Variants in VSIG10L2 observed in about 807,000 individuals in gnomAD.
VSIG10L2 encodes V-set and immunoglobulin domain-containing protein 10-like 2.
VSIG10L2 carries 56 observed loss-of-function variants against 67.1 expected under a neutral mutation model. That is an observed-to-expected ratio of 0.83 (90% confidence interval 0.67 to 1.04). The LOEUF is 1.04. VSIG10L2 is among the 50% of genes least tolerant of loss of function. VSIG10L2 has a pLI of 0.00. For synonymous variants in VSIG10L2, 360 were observed against 396.6 expected (o/e 0.91, Z 1.10); for missense variants, 843 against 932.8 (o/e 0.90, Z 1.25).
chr11:125,954,507 C>A, intron 8 of VSIG10L2, 124 bp downstream of exon 8: 1 of 801,956 alleles, frequency 1.2e-6, no homozygotes, highest in Non-Finnish European at 1.7e-6. Context: ...ATTCTCCCAT[C>A]CCCAGCCCGT....
Position 125,953,662 on chromosome 11 carries a change from C to T in VSIG10L2, c.1758C>T (p.Ser586=). The T allele has an allele frequency of 8.1e-7, 1 of 1,232,296 alleles. No homozygotes were observed. The highest frequency in any genetic ancestry group is 1.0e-6 in the Non-Finnish European group (1 of 988,030). The allele number at this position is 1,232,296 out of a possible 1,614,324, so 76.3% of individuals were successfully genotyped here. The change falls in exon 7 of 12, where the codon AGC becomes AGT. Residue 586 remains serine (S), a synonymous_variant. Coordinates refer to ENST00000686984, the MANE Select transcript of VSIG10L2 (RefSeq NM_001365077.2). ...TGGCCCGCAACGCCGTGGGCAATAG[C>T]AGTCAGAGTGTGCTGCTGGAGGTCC... The part of the protein sequence containing the change: ...QCVARNAVGN[S]SQSVLLEVLR...
At chr11:125,954,448 C>T (rs1487759686) in intron 8 of VSIG10L2, 65 bp downstream of exon 8, 1 of 1,202,690 alleles carries the variant, frequency 8.3e-7, no homozygotes, top group Non-Finnish European at 1.0e-6. Context: ...GTTCATCTTC[C>T]TCTTCACAGG....
In VSIG10L2 at chr11:125,953,833, A is replaced by G. The variant is rs142915003; in HGVS notation, c.1786+143A>G. Reference sequence around the variant, plus strand: ...GCTTCCTTGGGCATAGGCAGGACTCAAGAGATAGATGGGCAACATGCGCGT... The same window carrying G: ...GCTTCCTTGGGCATAGGCAGGACTCGAGAGATAGATGGGCAACATGCGCGT... On this transcript the variant is annotated intron_variant, in intron 7 of 11. Coordinates refer to ENST00000686984, the MANE Select transcript of VSIG10L2 (RefSeq NM_001365077.2). 7.7e-4 allele frequency: 637 copies of G among 822,508 alleles called. 3 individuals carry two copies. In the African/African-American group the frequency reaches 0.011, roughly 14 times the overall value. The allele number at this position is 822,508 out of a possible 1,614,324, so 51.0% of individuals were successfully genotyped here.
intron 4 of VSIG10L2, among the ~76,000 whole-genome samples, 177 bp downstream of exon 4, chr11:125,950,466 G>A (rs1382699160): frequency 2.0e-5 from 3 of 151,826 alleles, no homozygotes; most frequent in Non-Finnish European, 4.4e-5. Flanking sequence ...AAGAGGAGAA[G>A]AAAACTGTGG....
rs1945309256 is a variant in VSIG10L2, at chr11:125,946,987, T to A, written c.83-699T>A. On this transcript the variant is annotated intron_variant, in intron 1 of 11. Transcript: ENST00000686984. The surrounding 1 kb of genome is among the most constrained non-coding windows in gnomAD (Gnocchi z 4.4). Reference sequence around the variant, plus strand: ...CTGGGCCCTGAGCCGAGAACACCTGTTAAGTGACTTACTCCACAGGAACTA... The same window carrying A: ...CTGGGCCCTGAGCCGAGAACACCTGATAAGTGACTTACTCCACAGGAACTA... Among the ~76,000 whole-genome samples the A allele has an allele frequency of 6.6e-6, 1 of 152,102 alleles. No individual in the cohort carries two copies. The highest frequency in any genetic ancestry group is 1.5e-5 in the Non-Finnish European group (1 of 68,012).
chr11:125,947,705 C>G lies in VSIG10L2; in HGVS notation c.102C>G (p.Pro34=). ...LRASGQPHPT[P]EAPVEEVVSV... Reference sequence around the variant, plus strand: ...CCCCAGGCCAGCCCCACCCGACCCCCGAGGCCCCTGTAGAGGAGGTGGTGT... The same window carrying G: ...CCCCAGGCCAGCCCCACCCGACCCCGGAGGCCCCTGTAGAGGAGGTGGTGT... The change falls in exon 2 of 12, where the codon CCC becomes CCG. Residue 34 remains proline, a synonymous_variant. Transcript: ENST00000686984. 2 of 1,232,412 alleles carry G rather than the reference C, an allele frequency of 1.6e-6. No individual in the cohort carries two copies. Among genetic ancestry groups the G allele is most frequent in the South Asian group, 8.2e-5 (2 of 24,320 alleles). The allele number at this position is 1,232,412 out of a possible 1,614,324, so 76.3% of individuals were successfully genotyped here. A position where few individuals can be genotyped will look rare whatever the true frequency, so the allele number is the denominator to read the frequency against.
Position 125,947,958 on chromosome 11 carries a change from C to A in VSIG10L2, c.355C>A (p.His119Asn). 6.5e-6 allele frequency: 8 copies of A among 1,232,308 alleles called. No homozygotes were observed. Among genetic ancestry groups the A allele is most frequent in the Non-Finnish European group, 8.1e-6 (8 of 988,082 alleles). The allele number at this position is 1,232,308 out of a possible 1,614,324, so 76.3% of individuals were successfully genotyped here. A position where few individuals can be genotyped will look rare whatever the true frequency, so the allele number is the denominator to read the frequency against. Residue 119 changes from histidine (H) to asparagine (N), a missense_variant, in exon 2 of 12, where the codon CAC becomes AAC. Coordinates refer to ENST00000686984, the MANE Select transcript of VSIG10L2 (RefSeq NM_001365077.2). ...LGELHEGARGHFLCQVLHVAG... is the reference protein window; with the variant it reads ...LGELHEGARGNFLCQVLHVAG... ...GGAGCTTCACGAGGGTGCCCGTGGCCACTTCCTATGCCAGGTTCTGCACGT... is the reference window on the plus strand; with the variant it reads ...GGAGCTTCACGAGGGTGCCCGTGGCAACTTCCTATGCCAGGTTCTGCACGT...
In VSIG10L2 at chr11:125,951,833, A is replaced by T; in HGVS notation, c.1255A>T (p.Thr419Ser). Residue 419 changes from threonine (T) to serine (S), a missense_variant, in exon 6 of 12, where the codon ACC (threonine) becomes TCC (serine). By Grantham distance (58) the Thr-to-Ser change is moderately conservative. Coordinates refer to ENST00000686984, the MANE Select transcript of VSIG10L2 (RefSeq NM_001365077.2). ...TCCAGGGGAGCCTCTCGGGAGGCCTACCTGCTGGAGCACAGCCACAATGGG... is the reference window on the plus strand; with the variant it reads ...TCCAGGGGAGCCTCTCGGGAGGCCTTCCTGCTGGAGCACAGCCACAATGGG... ...VMLWEPLGRPTCWSTATMGDQ... is the reference protein window; with the variant it reads ...VMLWEPLGRPSCWSTATMGDQ... 1 of 1,515,170 alleles carries T rather than the reference A, an allele frequency of 6.6e-7. No homozygotes were observed. The allele number at this position is 1,515,170 out of a possible 1,614,324, so 93.9% of individuals were successfully genotyped here.
intron 3 of VSIG10L2, 34 bp downstream of exon 3, chr11:125,948,614 C>T: frequency 8.1e-7 from 1 of 1,231,816 alleles, no homozygotes; most frequent in African/African-American, 1.5e-5. Flanking sequence ...GCTGTCAGGG[C>T]TGACACCCAT....
intron 9 of VSIG10L2, 147 bp downstream of exon 9, chr11:125,955,326 C>A: frequency 7.9e-7 from 1 of 1,266,702 alleles, no homozygotes; most frequent in Non-Finnish European, 1.0e-6. Flanking sequence ...TAGATGTTGC[C>A]ATGCAGGGCT....
rs1220663275 is a variant in VSIG10L2, at chr11:125,950,140, T to A, written c.836T>A (p.Val279Glu). 1.1e-5 allele frequency: 13 copies of A among 1,232,262 alleles called. No individual in the cohort carries two copies. In the East Asian group the frequency reaches 4.1e-4, roughly 39 times the overall value. 76.3% of individuals were successfully genotyped at this position (1,232,262 alleles called of 1,614,324 possible). The change falls in exon 4 of 12, where the codon GTG becomes GAG. Residue 279 changes from valine to glutamate, a missense_variant. Transcript: ENST00000686984. Reference sequence around the variant, plus strand: ...GCCTCCAACCCACCTAGTCACTATGTGTGGCTCCGTGACCACACGCAAGTC... The same window carrying A: ...GCCTCCAACCCACCTAGTCACTATGAGTGGCTCCGTGACCACACGCAAGTC... ...LAASNPPSHY[V>E]WLRDHTQVHT...
rs766383650 is a variant in VSIG10L2 at position 125,950,819 on chromosome 11, C to T, written c.986-91C>T. On this transcript the variant is annotated intron_variant, in intron 4 of 11. Transcript: ENST00000686984. The stretch of plus-strand genomic sequence containing the variant: ...CTCCCTGCTCCCCTACCCACTGACA[C>T]CCCTGGCCTCCAGACTCCCCTGCCT... 5 of 1,186,812 alleles carry T rather than the reference C, an allele frequency of 4.2e-6. No homozygotes were observed. The African/African-American group carries it at 6.3e-5, about 15-fold the overall frequency. 73.5% of individuals were successfully genotyped at this position (1,186,812 alleles called of 1,614,324 possible).
chr11:125,955,082 A>C lies in VSIG10L2; in HGVS notation c.2109A>C (p.Pro703=). The C allele has an allele frequency of 4.9e-6, 6 of 1,236,492 alleles. No individual in the cohort carries two copies. The highest frequency in any genetic ancestry group is 6.1e-6 in the Non-Finnish European group (6 of 991,016). The allele number at this position is 1,236,492 out of a possible 1,614,324, so 76.6% of individuals were successfully genotyped here. Residue 703 remains proline (P), a synonymous_variant, in exon 9 of 12, where the codon CCA becomes CCC. Transcript: ENST00000686984. The part of the protein sequence containing the change: ...IPADPPFSAY[P]AVLGAAGTGM... ...CGGACCCCCCCTTCAGCGCCTACCCAGCGGTGTTGGGTGCAGCAGGCACGG... is the reference window on the plus strand; with the variant it reads ...CGGACCCCCCCTTCAGCGCCTACCCCGCGGTGTTGGGTGCAGCAGGCACGG...
chr11:125,950,192 C>G lies in VSIG10L2; in HGVS notation c.888C>G (p.Ala296=). ...ACACGGGGCCTACCTATGTCATCGC[C>G]AGAGCTGGCCGTGTCCACACAGGCC... ...QVHTGPTYVI[A]RAGRVHTGLY... Residue 296 remains alanine (A), a synonymous_variant, in exon 4 of 12, where the codon GCC becomes GCG. Coordinates refer to ENST00000686984, the MANE Select transcript of VSIG10L2 (RefSeq NM_001365077.2). 8.1e-7 allele frequency: 1 copy of G among 1,232,390 alleles called. No individual in the cohort carries two copies. Among genetic ancestry groups the G allele is most frequent in the Non-Finnish European group, 1.0e-6 (1 of 988,124 alleles). 76.3% of individuals were successfully genotyped at this position (1,232,390 alleles called of 1,614,324 possible).
At position 125,951,073 on chromosome 11, in the gene VSIG10L2, C is replaced by G. The variant is rs540792147; in HGVS notation, c.1149C>G (p.Ala383=). ...APSNVTWSHA[A]AQLPSGSVFT... ...GCAACGTCACCTGGAGTCACGCAGC[C>G]GCCCAGCTCCCCAGTGGCAGCGTCT... is the stretch of plus-strand genomic sequence containing the variant. The change falls in exon 5 of 12, where the codon GCC becomes GCG. Residue 383 remains alanine (A), a synonymous_variant. Transcript: ENST00000686984. 29 of 1,232,654 alleles carry G rather than the reference C, an allele frequency of 2.4e-5. 1 individual carries two copies. Among genetic ancestry groups the G allele is most frequent in the Middle Eastern group, 6.2e-4 (2 of 3,214 alleles). The allele number at this position is 1,232,654 out of a possible 1,614,324, so 76.4% of individuals were successfully genotyped here.
At chr11:125,952,378 TAACTC>T (rs1460123833) in intron 6 of VSIG10L2, among the ~76,000 whole-genome samples, 1 of 152,254 alleles carries the variant, frequency 6.6e-6, no homozygotes, top group Admixed American at 6.5e-5. Context: ...ACACTTCAGT[TAACTC>T]AATATATCCA....
rs950298871 is a variant in VSIG10L2, at chr11:125,947,485, G to A, written c.83-201G>A. On this transcript the variant is annotated intron_variant, in intron 1 of 11. Transcript: ENST00000686984. ...GACTTCAGTCAACCCCTCCTTCAGT[G>A]CATCCAAACAGGAAACCCAGAGGCT... 19 of 985,280 alleles carry A rather than the reference G, an allele frequency of 1.9e-5. No homozygotes were observed. In the African/African-American group the frequency reaches 3.1e-4, roughly 16 times the overall value. 61.0% of individuals were successfully genotyped at this position (985,280 alleles called of 1,614,324 possible).
In VSIG10L2 at chr11:125,947,852, C is replaced by T. The variant is rs1190203856; in HGVS notation, c.249C>T (p.Thr83=). The T allele has an allele frequency of 1.9e-5, 23 of 1,232,262 alleles. No homozygotes were observed. The highest frequency in any genetic ancestry group is 9.5e-5 in the East Asian group (3 of 31,722). 76.3% of individuals were successfully genotyped at this position (1,232,262 alleles called of 1,614,324 possible). ...TGGTTCCCCGGCCTGTGGCCGTCAC[C>T]GATGGAGCCATGTCCAAGGTGGAGG... ...GSLVPRPVAV[T]DGAMSKVEAI... is the part of the protein sequence containing the mutation. Residue 83 remains threonine (T), a synonymous_variant, in exon 2 of 12, where the codon ACC becomes ACT. Transcript: ENST00000686984.
intron 5 of VSIG10L2, 104 bp downstream of exon 5, chr11:125,951,262 C>A: frequency 8.8e-7 from 1 of 1,134,522 alleles, no homozygotes; most frequent in Non-Finnish European, 1.1e-6. Flanking sequence ...CTCTCCAGAC[C>A]GCAGGCTCCA....
Sources: gnomAD v4.1 joint callset for allele counts (sites outside exome capture counted in the v4.1 genomes callset) on GRCh38, gnomAD v4.1.1 for gene constraint, Gnocchi (gnomAD v3.1) non-coding constraint, MANE v1.5 for transcripts, NCBI Gene and HGNC (gene_info 2026-07-23, HGNC 2026-07-21) for gene names.